PXDNL: variants seen among roughly 807,000 people sequenced by gnomAD.
PXDNL encodes the protein probable oxidoreductase PXDNL.
Under a neutral mutation model 150.8 loss-of-function variants are expected in PXDNL, and 145 were observed. That is an observed-to-expected ratio of 0.96 (90% CI 0.84 to 1.10). The LOEUF (loss-of-function observed/expected upper bound fraction) is 1.10. Ranked by LOEUF, PXDNL falls within the 50% of genes least tolerant of loss-of-function variation. The probability of loss-of-function intolerance (pLI) is 0.00; values close to 1 mark genes in which losing one functional copy is unlikely to be tolerated. For missense variants in PXDNL, 2,087 were observed against 1,873.9 expected (o/e 1.11, Z -2.10); for synonymous variants, 757 against 725.7 (o/e 1.04, Z -0.69).
chr8:51,645,504 C>T (rs1275200914), intron 2 of PXDNL, among the ~76,000 whole-genome samples: 1 of 152,138 alleles, frequency 6.6e-6, no homozygotes, highest in Non-Finnish European at 1.5e-5. Flanking sequence ...ACAGGGAGAC[C>T]ATTTAATTAG....
In PXDNL at chr8:51,770,634, T is replaced by A. The variant is rs140026920; in HGVS notation, c.164+38547A>T. ...CACAGGCCTTCGGCAGGATCTGAGA[T>A]GTCAACTACTCATCTAATTTAAAGT... On this transcript the variant is annotated intron_variant, in intron 1 of 22. Coordinates refer to ENST00000356297, the MANE Select transcript of PXDNL (RefSeq NM_144651.5). Among the ~76,000 whole-genome samples the A allele has an allele frequency of 2.2e-4, 33 of 152,338 alleles. No homozygotes were observed. The East Asian group carries it at 6.2e-3, about 28-fold the overall frequency.
At chr8:51,649,858 T>C (rs1234673663) in intron 2 of PXDNL, among the ~76,000 whole-genome samples, 2 of 152,046 alleles carry the variant, frequency 1.3e-5, no homozygotes, top group Admixed American at 6.6e-5. Context: ...TCTCAGCACT[T>C]TGGGAGGCCG....
At chr8:51,804,613 G>C (rs1213981001) in intron 1 of PXDNL, among the ~76,000 whole-genome samples, 1 of 152,132 alleles carries the variant, frequency 6.6e-6, no homozygotes, top group Non-Finnish European at 1.5e-5. Flanking sequence ...AACTAGCACA[G>C]GGACCACAGC....
chr8:51,530,918 T>C (rs1368393385), intron 4 of PXDNL, among the ~76,000 whole-genome samples: 1 of 152,108 alleles, frequency 6.6e-6, no homozygotes, highest in East Asian at 2.0e-4. Context: ...TATTCACTGA[T>C]TGATTTCCAG....
At chr8:51,657,977 C>T (rs1815187282) in intron 1 of PXDNL, among the ~76,000 whole-genome samples, 2 of 152,094 alleles carry the variant, frequency 1.3e-5, no homozygotes, top group South Asian at 4.1e-4. Context: ...TAAGACTCTG[C>T]CCACTGACTT....
At chr8:51,369,003 AT>A (rs1258793502) in intron 19 of PXDNL, among the ~76,000 whole-genome samples, 2 of 152,158 alleles carry the variant, frequency 1.3e-5, no homozygotes, top group African/African-American at 2.4e-5. Flanking sequence ...TTCAAAAAAA[AT>A]AAAAATAAAA....
At chr8:51,538,555 C>G (rs1414514341) in intron 4 of PXDNL, among the ~76,000 whole-genome samples, 1 of 151,882 alleles carries the variant, frequency 6.6e-6, no homozygotes, top group African/African-American at 2.4e-5. Context: ...CACCTGAGGT[C>G]AAGAGTTTGA....
At chr8:51,529,279 C>A (rs1811832934) in intron 4 of PXDNL, among the ~76,000 whole-genome samples, 1 of 152,198 alleles carries the variant, frequency 6.6e-6, no homozygotes, top group African/African-American at 2.4e-5. Context: ...CACTCACTGT[C>A]TTTCTGGATG....
At chr8:51,631,818 G>A (rs1814494443) in intron 2 of PXDNL, among the ~76,000 whole-genome samples, 1 of 152,112 alleles carries the variant, frequency 6.6e-6, no homozygotes, top group South Asian at 2.1e-4. Context: ...TTATGCTATT[G>A]AAGCTAAGTT....
intron 8 of PXDNL, among the ~76,000 whole-genome samples, chr8:51,471,007 C>T (rs962066648): frequency 6.8e-6 from 1 of 147,258 alleles, no homozygotes; most frequent in Non-Finnish European, 1.5e-5. Context: ...AACTAAAGAG[C>T]TTCTGCACAG....
intron 1 of PXDNL, among the ~76,000 whole-genome samples, chr8:51,676,870 C>T (rs931820209): frequency 6.6e-6 from 1 of 152,154 alleles, no homozygotes; most frequent in Non-Finnish European, 1.5e-5. Flanking sequence ...ATAAGTAACC[C>T]TGTCAAAAAT....
intron 3 of PXDNL, among the ~76,000 whole-genome samples, chr8:51,589,526 A>G (rs1813395584): frequency 6.7e-6 from 1 of 150,176 alleles, no homozygotes; most frequent in Non-Finnish European, 1.5e-5. Context: ...AGTAAAAGCC[A>G]TTCTCATGAG....
intron 1 of PXDNL, among the ~76,000 whole-genome samples, chr8:51,707,488 A>G (rs1434497899): frequency 6.6e-6 from 1 of 152,134 alleles, no homozygotes; most frequent in Non-Finnish European, 1.5e-5. Flanking sequence ...GTGTGGTTTC[A>G]TTTTTGTTTG....
intron 1 of PXDNL, among the ~76,000 whole-genome samples, chr8:51,706,314 A>C (rs1417017142): frequency 6.7e-6 from 1 of 150,146 alleles, no homozygotes; most frequent in Non-Finnish European, 1.5e-5. Flanking sequence ...TGAGAGCGAA[A>C]CTCCGTCTCA....
chr8:51,429,808 A>G (rs1020809541), intron 12 of PXDNL, among the ~76,000 whole-genome samples: 1 of 151,760 alleles, frequency 6.6e-6, no homozygotes, highest in African/African-American at 2.4e-5. Context: ...TCTGAAAAAA[A>G]TTATAGTAAA....
chr8:51,374,415 A>G (rs28421473), intron 18 of PXDNL, among the ~76,000 whole-genome samples, 182 bp downstream of exon 18: 1 of 152,206 alleles, frequency 6.6e-6, no homozygotes, highest in Non-Finnish European at 1.5e-5. Context: ...AAGATTTACA[A>G]AAATAAATGT....
chr8:51,401,827 G>T (rs911787938), intron 17 of PXDNL, among the ~76,000 whole-genome samples: 14 of 152,166 alleles, frequency 9.2e-5, no homozygotes, highest in Non-Finnish European at 1.9e-4. Context: ...TACATGAAAT[G>T]GTCAACAATC....
At chr8:51,723,492 G>A (rs1816768229) in intron 1 of PXDNL, among the ~76,000 whole-genome samples, 1 of 152,208 alleles carries the variant, frequency 6.6e-6, no homozygotes, top group African/African-American at 2.4e-5. Context: ...CAAGCCCTGA[G>A]CCAACCCAAC....
chr8:51,456,991 C>T (rs989203285), intron 9 of PXDNL, among the ~76,000 whole-genome samples: 1 of 152,126 alleles, frequency 6.6e-6, no homozygotes, highest in Non-Finnish European at 1.5e-5. Flanking sequence ...ACCATGTCAA[C>T]ATGCTATTAA....
Sources: allele counts gnomAD v4.1 joint callset (sites outside exome capture counted in the v4.1 genomes callset), GRCh38; gene constraint gnomAD v4.1.1; transcripts MANE v1.5; gene names NCBI Gene and HGNC (gene_info 2026-07-23, HGNC 2026-07-21).